KLF12: variants seen among roughly 807,000 people sequenced by gnomAD.
KLF12 encodes Krueppel-like factor 12.
In KLF12, 9 loss-of-function variants were observed where a neutral mutation model predicts 37.8. The observed-to-expected ratio is 0.24, with a 90% confidence interval of 0.14 to 0.42. KLF12 has a LOEUF of 0.42. KLF12 is among the 10% of genes least tolerant of loss of function. The pLI, the probability that KLF12 is intolerant of heterozygous loss-of-function variation, is 1.00. For missense variants in KLF12, 411 were observed against 516.0 expected (o/e 0.80, Z 1.97); for synonymous variants, 208 against 202.1 (o/e 1.03, Z -0.25).
At chr13:74,133,148 G>C (rs1878355033) in intron 1 of KLF12, among the ~76,000 whole-genome samples, 1 of 152,158 alleles carries the variant, frequency 6.6e-6, no homozygotes, top group Admixed American at 6.5e-5. Context: ...TACGACCAGA[G>C]ACAATAATGA....
intron 3 of KLF12, among the ~76,000 whole-genome samples, chr13:73,930,493 T>G (rs968939696): frequency 2.6e-5 from 4 of 152,222 alleles, no homozygotes; most frequent in South Asian, 2.1e-4. Context: ...TTTGGGAAAT[T>G]GAAAGTTTTT....
chr13:73,866,736 A>G (rs1886193946), intron 3 of KLF12, among the ~76,000 whole-genome samples: 1 of 152,214 alleles, frequency 6.6e-6, no homozygotes, highest in Non-Finnish European at 1.5e-5. Flanking sequence ...TCCCTAATAT[A>G]GAAATATGGA....
chr13:73,949,223 C>A (rs557403207), intron 2 of KLF12, among the ~76,000 whole-genome samples: 54 of 152,132 alleles, frequency 3.5e-4, no homozygotes, highest in Non-Finnish European at 7.5e-4. Flanking sequence ...TTCTCTATAT[C>A]AATATGCACT....
At chr13:74,192,346 T>C in the KLF12 span, among the ~76,000 whole-genome samples, 4 of 152,192 alleles carry the variant, frequency 2.6e-5, no homozygotes, top group Admixed American at 2.0e-4. Flanking sequence ...AAAGTAGAAC[T>C]AGCAATTTGA....
chr13:73,801,804 G>C (rs947600989), intron 5 of KLF12: 2 of 151,960 alleles, frequency 1.3e-5, no homozygotes, highest in African/African-American at 2.4e-5. Context: ...TTTAAAAGTA[G>C]GAAAAATAAA....
At chr13:73,714,582 TAGA>T (rs1251171797) in intron 7 of KLF12, among the ~76,000 whole-genome samples, 2 of 152,170 alleles carry the variant, frequency 1.3e-5, no homozygotes, top group East Asian at 3.9e-4. Flanking sequence ...CCACTCTTCT[TAGA>T]AGAAGTGGTG....
chr13:74,134,677 G>A (rs1878471364), upstream of KLF12, among the ~76,000 whole-genome samples: 1 of 152,122 alleles, frequency 6.6e-6, no homozygotes, highest in Admixed American at 6.5e-5. Context: ...GGGGGCCCGC[G>A]GGGGCTTGCG....
At chr13:74,079,076 T>C (rs1299607522) in intron 1 of KLF12, among the ~76,000 whole-genome samples, 2 of 152,138 alleles carry the variant, frequency 1.3e-5, no homozygotes, top group Non-Finnish European at 2.9e-5. Context: ...TAAATGTCTA[T>C]CAAAGAGACA....
chr13:74,129,299 T>G (rs991826830), intron 1 of KLF12, among the ~76,000 whole-genome samples: 1 of 152,220 alleles, frequency 6.6e-6, no homozygotes, highest in African/African-American at 2.4e-5. Context: ...GTTTTCAATC[T>G]ACAATTGATT....
intron 6 of KLF12, among the ~76,000 whole-genome samples, chr13:73,738,104 T>TACACACACATATATGTATGTGTAC (rs772058212): frequency 1.1e-4 from 11 of 103,570 alleles, no homozygotes; most frequent in African/African-American, 2.1e-4. Flanking sequence ...TATATATATA[T>TACACACACATATATGTATGTGTAC]ATATATATAT....
chr13:73,860,074 T>C (rs1045906836), intron 3 of KLF12, among the ~76,000 whole-genome samples: 2 of 152,214 alleles, frequency 1.3e-5, no homozygotes, highest in Non-Finnish European at 2.9e-5. Context: ...GTGAAAAGGA[T>C]ACATGCCTGA....
chr13:73,997,922 G>A (rs1300539001), intron 1 of KLF12, among the ~76,000 whole-genome samples: 3 of 152,154 alleles, frequency 2.0e-5, no homozygotes, highest in African/African-American at 7.2e-5. Flanking sequence ...AAATATTGCT[G>A]CCTGGAACCA....
chr13:73,926,304 C>G (rs902625327), intron 3 of KLF12, among the ~76,000 whole-genome samples: 2 of 152,100 alleles, frequency 1.3e-5, no homozygotes, highest in Non-Finnish European at 2.9e-5. Flanking sequence ...CAGTCAGTGG[C>G]CATCAACACA....
intron 1 of KLF12, among the ~76,000 whole-genome samples, chr13:74,055,332 T>G (rs1427715840): frequency 6.6e-6 from 1 of 152,156 alleles, no homozygotes; most frequent in African/African-American, 2.4e-5. Context: ...TAAAGCAATT[T>G]ATTAGAAGAA....
chr13:74,011,848 A>C (rs181008764), intron 1 of KLF12, among the ~76,000 whole-genome samples: 1 of 152,328 alleles, frequency 6.6e-6, no homozygotes, highest in East Asian at 1.9e-4. Flanking sequence ...ACTGGGTTAA[A>C]TAAGTATTAA....
chr13:74,073,383 A>G (rs1874387425), intron 1 of KLF12, among the ~76,000 whole-genome samples: 1 of 152,164 alleles, frequency 6.6e-6, no homozygotes, highest in South Asian at 2.1e-4. Flanking sequence ...TGACCTTTGT[A>G]CTTCCGTAAA....
chr13:74,223,438 T>C, the KLF12 span, among the ~76,000 whole-genome samples: 4 of 152,284 alleles, frequency 2.6e-5, no homozygotes, highest in Admixed American at 6.5e-5. Flanking sequence ...TTGTCTTCAT[T>C]TACTCTGGAT....
intron 6 of KLF12, among the ~76,000 whole-genome samples, chr13:73,730,844 AG>A (rs1354037425): frequency 6.6e-6 from 1 of 152,230 alleles, no homozygotes; most frequent in Non-Finnish European, 1.5e-5. Flanking sequence ...TAGGGCAGAC[AG>A]GATGACCAGG....
intron 1 of KLF12, among the ~76,000 whole-genome samples, chr13:74,022,636 G>A (rs907106842): frequency 6.7e-6 from 1 of 149,950 alleles, no homozygotes; most frequent in Admixed American, 6.7e-5. Context: ...AACATGCAAT[G>A]GTGCAGAAAA....
Sources: allele counts gnomAD v4.1 joint callset (sites outside exome capture counted in the v4.1 genomes callset), GRCh38; gene constraint gnomAD v4.1.1; transcripts MANE v1.5; gene names NCBI Gene and HGNC (gene_info 2026-07-23, HGNC 2026-07-21).